PLCB4: variants seen among roughly 807,000 people sequenced by gnomAD.
PLCB4 encodes phospholipase C beta 4.
Under a neutral mutation model 178.8 loss-of-function variants are expected in PLCB4, and 77 were observed. The observed-to-expected ratio is 0.43, with a 90% CI of 0.36 to 0.52. PLCB4 has a LOEUF of 0.52. Ranked by LOEUF, PLCB4 falls within the 20% of genes least tolerant of loss-of-function variation. The probability of loss-of-function intolerance (pLI) is 0.00; values close to 1 mark genes in which losing one functional copy is unlikely to be tolerated. For missense variants in PLCB4, 1,024 were observed against 1,453.4 expected (o/e 0.70, Z 4.80); for synonymous variants, 496 against 490.8 (o/e 1.01, Z -0.14).
At chr20:9,374,043 C>T (rs186829784) in intron 12 of PLCB4, among the ~76,000 whole-genome samples, 39 of 152,218 alleles carry the variant, frequency 2.6e-4, no homozygotes, top group African/African-American at 8.4e-4. Flanking sequence ...CCAGATAAAA[C>T]GTATTATCTT....
At chr20:9,469,466 C>G (rs915631244) in intron 36 of PLCB4, among the ~76,000 whole-genome samples, 2 of 152,156 alleles carry the variant, frequency 1.3e-5, no homozygotes, top group African/African-American at 4.8e-5. Context: ...TCCCATTTGT[C>G]TCATTTGTCC....
At chr20:9,351,519 C>T (rs1254915706) in intron 7 of PLCB4, among the ~76,000 whole-genome samples, 1 of 151,954 alleles carries the variant, frequency 6.6e-6, no homozygotes, top group Non-Finnish European at 1.5e-5. Context: ...TCATATTTAC[C>T]ATAAATATTC....
chr20:9,143,037 C>T lies in PLCB4; in HGVS notation c.-79+46695C>T, dbSNP rs184033599. Among the ~76,000 whole-genome samples, 375 of 152,294 alleles carry T rather than the reference C, an allele frequency of 2.5e-3. 3 individuals carry two copies. The highest frequency in any genetic ancestry group is 3.8e-3 in the Non-Finnish European group (261 of 68,018). On this transcript the variant is annotated intron_variant, in intron 2 of 39. Coordinates refer to ENST00000378473, the MANE Select transcript of PLCB4 (RefSeq NM_001377142.1). The stretch of plus-strand genomic sequence containing the variant: ...GGGCCTTTGCACGTTCTCCCTCTGC[C>T]TGGAAACTTCTTTACAATATCTGCA...
At chr20:9,201,782 G>T (rs780911914) in intron 2 of PLCB4, among the ~76,000 whole-genome samples, 2 of 152,282 alleles carry the variant, frequency 1.3e-5, no homozygotes, top group Non-Finnish European at 2.9e-5. Flanking sequence ...CCCATGCATT[G>T]TTGGGAATGC....
intron 2 of PLCB4, among the ~76,000 whole-genome samples, chr20:9,138,829 G>T (rs1269324994): frequency 6.6e-6 from 1 of 152,068 alleles, no homozygotes; most frequent in African/African-American, 2.4e-5. Flanking sequence ...GATGAAGACT[G>T]TCTTATCATT....
At chr20:9,418,743 A>C (rs887960221) in intron 25 of PLCB4, among the ~76,000 whole-genome samples, 3 of 152,186 alleles carry the variant, frequency 2.0e-5, no homozygotes, top group Non-Finnish European at 2.9e-5. Flanking sequence ...CACTGAATTC[A>C]CACATCAATT....
At chr20:9,438,701 A>G (rs2041932978) in intron 30 of PLCB4, among the ~76,000 whole-genome samples, 1 of 152,182 alleles carries the variant, frequency 6.6e-6, no homozygotes, top group Non-Finnish European at 1.5e-5. Flanking sequence ...GAGAAAAGAG[A>G]GATCTATGTT....
chr20:9,123,706 A>C (rs56404510), intron 2 of PLCB4, among the ~76,000 whole-genome samples: 2 of 152,034 alleles, frequency 1.3e-5, no homozygotes, highest in African/African-American at 4.8e-5. Context: ...TAACATAGGT[A>C]GATAAGTAGG....
intron 3 of PLCB4, among the ~76,000 whole-genome samples, chr20:9,254,399 A>T (rs1395898882): frequency 6.6e-6 from 1 of 152,208 alleles, no homozygotes; most frequent in African/African-American, 2.4e-5. Flanking sequence ...TAGGATTAAA[A>T]ATGTTATTGT....
At chr20:9,144,746 G>A (rs1289243562) in intron 2 of PLCB4, among the ~76,000 whole-genome samples, 5 of 95,684 alleles carry the variant, frequency 5.2e-5, no homozygotes, top group African/African-American at 2.2e-4. Context: ...GGAGGGGAAG[G>A]AGGGGAAGGA....
intron 4 of PLCB4, among the ~76,000 whole-genome samples, chr20:9,330,428 A>C (rs2031464031): frequency 6.6e-6 from 1 of 152,076 alleles, no homozygotes; most frequent in Non-Finnish European, 1.5e-5. Flanking sequence ...AGTGGAGTCT[A>C]CCTAGGCAGT....
At chr20:9,305,158 T>A (rs1242715475) in intron 3 of PLCB4, among the ~76,000 whole-genome samples, 1 of 152,006 alleles carries the variant, frequency 6.6e-6, no homozygotes, top group Non-Finnish European at 1.5e-5. Flanking sequence ...CAATTCGTAT[T>A]TACTATGCTT....
chr20:9,211,716 GT>G (rs2093674982), intron 2 of PLCB4, among the ~76,000 whole-genome samples: 1 of 152,138 alleles, frequency 6.6e-6, no homozygotes, highest in Non-Finnish European at 1.5e-5. Context: ...AATAATTATA[GT>G]TATGTACCCA....
At chr20:9,275,057 A>G (rs1283517156) in intron 3 of PLCB4, among the ~76,000 whole-genome samples, 2 of 152,048 alleles carry the variant, frequency 1.3e-5, no homozygotes, top group Admixed American at 1.3e-4. Context: ...CATATGAACA[A>G]TGATTTATGA....
chr20:9,147,855 G>C (rs1263120791), intron 2 of PLCB4, among the ~76,000 whole-genome samples: 1 of 152,102 alleles, frequency 6.6e-6, no homozygotes, highest in Non-Finnish European at 1.5e-5. Flanking sequence ...GTGGTTACAG[G>C]GAGGGAGAAT....
chr20:9,306,058 A>C (rs1431312768), intron 3 of PLCB4, among the ~76,000 whole-genome samples: 1 of 152,078 alleles, frequency 6.6e-6, no homozygotes, highest in Non-Finnish European at 1.5e-5. Context: ...ACGTTCTTCT[A>C]CTGTTACTTT....
chr20:9,342,956 C>T (rs2033398226), intron 7 of PLCB4, among the ~76,000 whole-genome samples: 1 of 152,108 alleles, frequency 6.6e-6, no homozygotes, highest in African/African-American at 2.4e-5. Context: ...TTTATGACAA[C>T]TGACAATAAA....
At chr20:9,177,958 A>G (rs747839440) in intron 2 of PLCB4, among the ~76,000 whole-genome samples, 2 of 152,228 alleles carry the variant, frequency 1.3e-5, no homozygotes, top group Admixed American at 6.5e-5. Flanking sequence ...TGCTAAACAG[A>G]AAAACACCGT....
At chr20:9,469,435 G>T (rs1211404571) in intron 36 of PLCB4, among the ~76,000 whole-genome samples, 1 of 152,112 alleles carries the variant, frequency 6.6e-6, no homozygotes, top group Non-Finnish European at 1.5e-5. Context: ...CCTTCACATG[G>T]GATCATCTTG....
Sources: gnomAD v4.1 joint callset for allele counts (sites outside exome capture counted in the v4.1 genomes callset) on GRCh38, gnomAD v4.1.1 for gene constraint, MANE v1.5 for transcripts, NCBI Gene and HGNC (gene_info 2026-07-23, HGNC 2026-07-21) for gene names.